Variants in ECRG4 observed in about 807,000 individuals in gnomAD.
The protein encoded by ECRG4 is ECRG4 augurin precursor.
Under a neutral mutation model 15.8 loss-of-function variants are expected in ECRG4, and 18 were observed. The observed-to-expected ratio is 1.14, with a 90% CI of 0.79 to 1.69. The LOEUF (loss-of-function observed/expected upper bound fraction) is 1.69. Among genes scored for constraint, ECRG4 ranks in the 40% most tolerant of loss-of-function variants. The probability of loss-of-function intolerance (pLI) is 0.00; values close to 1 mark genes in which losing one functional copy is unlikely to be tolerated. For missense variants in ECRG4, 200 were observed against 190.9 expected, an observed-to-expected ratio of 1.05 and a Z score of -0.28; for synonymous variants, 82 against 73.9, an observed-to-expected ratio of 1.11 and a Z score of -0.56.
rs571627781 is a variant in ECRG4, at chr2:106,074,185, A to G, written c.285+142A>G. On this transcript the variant is annotated intron_variant, in intron 3 of 3. Coordinates refer to ENST00000238044, the MANE Select transcript of ECRG4 (RefSeq NM_032411.3). ...AGAGCCCCATCATATGCCAAGTGCT[A>G]TCAGGCACTGGATCATGTTACCTAT... The G allele has an allele frequency of 1.1e-4, 100 of 906,066 alleles. No homozygotes were observed. The African/African-American group carries it at 1.4e-3, about 13-fold the overall frequency. 56.1% of individuals were successfully genotyped at this position (906,066 alleles called of 1,614,324 possible). A position where few individuals can be genotyped will look rare whatever the true frequency, so the allele number is the denominator to read the frequency against.
intron 2 of ECRG4, 60 bp from the exon 3 acceptor site, chr2:106,073,826 C>T: frequency 6.3e-7 from 1 of 1,594,394 alleles, no homozygotes; most frequent in Non-Finnish European, 8.6e-7. Context: ...CAGGGATTCA[C>T]CGCAAGTGAG....
chr2:106,069,178 T>C (rs1206807766), intron 1 of ECRG4, among the ~76,000 whole-genome samples: 1 of 150,708 alleles, frequency 6.6e-6, no homozygotes, highest in African/African-American at 2.4e-5. Flanking sequence ...CTTTTTTCTT[T>C]CTTTCTTTCT....
intron 3 of ECRG4, 77 bp from the exon 4 acceptor site, chr2:106,077,688 G>A: frequency 7.6e-7 from 1 of 1,318,930 alleles, no homozygotes; most frequent in East Asian, 2.3e-5. Context: ...ATGAAGAAAA[G>A]CCATAGGTAA....
Position 106,071,791 on chromosome 2 carries a change from A to G in ECRG4, c.80-53A>G. 3 of 1,500,838 alleles carry G rather than the reference A, an allele frequency of 2.0e-6. No homozygotes were observed. The South Asian group carries it at 3.6e-5, about 18-fold the overall frequency. The allele number at this position is 1,500,838 out of a possible 1,614,324, so 93.0% of individuals were successfully genotyped here. A position where few individuals can be genotyped will look rare whatever the true frequency, so the allele number is the denominator to read the frequency against. On this transcript the variant is annotated intron_variant, in intron 1 of 3. Coordinates refer to ENST00000238044, the MANE Select transcript of ECRG4 (RefSeq NM_032411.3). ...CCCACTCTGATTTTTGCCTTTGATA[A>G]ATTGAAGGGAGCAGTATAACTCTGA...
upstream of ECRG4, chr2:106,064,279 A>G (rs1176882561): frequency 6.6e-6 from 1 of 152,232 alleles, no homozygotes; most frequent in African/African-American, 2.4e-5. Flanking sequence ...TGTCTTTACT[A>G]GCTCAATGTT....
chr2:106,075,762 C>T (rs1676475637), intron 3 of ECRG4, among the ~76,000 whole-genome samples: 1 of 151,934 alleles, frequency 6.6e-6, no homozygotes, highest in Admixed American at 6.6e-5. Flanking sequence ...GCAGAAACTA[C>T]TCAAATAATG....
chr2:106,069,974 T>G (rs1676327069), intron 1 of ECRG4, among the ~76,000 whole-genome samples: 1 of 152,234 alleles, frequency 6.6e-6, no homozygotes. Flanking sequence ...CAGGCTGCTA[T>G]GCACTACGCC....
chr2:106,063,829 T>C (rs1007126670), upstream of ECRG4, among the ~76,000 whole-genome samples: 1 of 152,108 alleles, frequency 6.6e-6, no homozygotes, highest in Non-Finnish European at 1.5e-5. Flanking sequence ...TGATCTGCCC[T>C]CCTCAGCCTC....
intron 1 of ECRG4, among the ~76,000 whole-genome samples, chr2:106,067,637 G>GGTTTTTGTTTTTGTTTTT (rs149423508): frequency 6.7e-6 from 1 of 149,824 alleles, no homozygotes; most frequent in Admixed American, 6.6e-5. Context: ...GCCCAGCTAA[G>GGTTTTTGTTTTTGTTTTT]GTTTTTGTTT....
chr2:106,077,834 T>TACCAC lies in ECRG4; in HGVS notation c.359_360insCACCA (p.Gln120HisfsTer88). 6.2e-7 allele frequency: 1 copy of TACCAC among 1,614,136 alleles called. No individual in the cohort carries two copies. Among genetic ancestry groups the TACCAC allele is most frequent in the Non-Finnish European group, 8.5e-7 (1 of 1,180,016 alleles). On this transcript the variant is annotated frameshift_variant, in exon 4 of 4. Coordinates refer to ENST00000238044, the MANE Select transcript of ECRG4 (RefSeq NM_032411.3). LOFTEE classifies it high-confidence loss of function. ...TGGACATGAATACTATGGCGATTAC[T>TACCAC]ACCAACGTCACTATGATGAAGACTC...
intron 3 of ECRG4, among the ~76,000 whole-genome samples, chr2:106,075,501 C>T (rs1676466398): frequency 6.6e-6 from 1 of 152,184 alleles, no homozygotes; most frequent in Non-Finnish European, 1.5e-5. Flanking sequence ...GCAGGTGGAT[C>T]ACCTGAGGTC....
At chr2:106,074,087 G>A in intron 3 of ECRG4, 44 bp downstream of exon 3, 1 of 1,601,482 alleles carries the variant, frequency 6.2e-7, no homozygotes, top group East Asian at 2.2e-5. Context: ...CACAGGGAAG[G>A]GTGGCAGGGA....
chr2:106,071,322 T>TAAAAAAAAGAAAAA (rs1676362731), intron 1 of ECRG4, among the ~76,000 whole-genome samples: 1 of 78,332 alleles, frequency 1.3e-5, no homozygotes, highest in Non-Finnish European at 2.3e-5. Flanking sequence ...GGTAAGGCTG[T>TAAAAAAAAGAAAAA]AAAAAAAAAA....
At chr2:106,068,352 G>GA (rs897814847) in intron 1 of ECRG4, among the ~76,000 whole-genome samples, 11 of 152,064 alleles carry the variant, frequency 7.2e-5, no homozygotes, top group African/African-American at 2.7e-4. Flanking sequence ...CCTTAATACA[G>GA]AAAAAAATCA....
intron 1 of ECRG4, among the ~76,000 whole-genome samples, chr2:106,069,745 C>T (rs375901976): frequency 2.0e-5 from 3 of 152,172 alleles, no homozygotes; most frequent in South Asian, 2.1e-4. Flanking sequence ...ACCACAACTC[C>T]GGTTTTTCTA....
At chr2:106,076,517 T>C (rs974347313) in intron 3 of ECRG4, among the ~76,000 whole-genome samples, 12 of 152,000 alleles carry the variant, frequency 7.9e-5, no homozygotes, top group Non-Finnish European at 1.2e-4. Flanking sequence ...CAGTGAGAAA[T>C]TGGAATCATG....
At chr2:106,073,774 C>A in intron 2 of ECRG4, 112 bp from the exon 3 acceptor site, 1 of 1,319,248 alleles carries the variant, frequency 7.6e-7, no homozygotes, top group Non-Finnish European at 1.1e-6. Flanking sequence ...AGTTGAGAGT[C>A]AAAACCCTCC....
Position 106,071,890 on chromosome 2 carries a change from A to C in ECRG4, c.126A>C (p.Glu42Asp). 5 of 1,612,490 alleles carry C rather than the reference A, an allele frequency of 3.1e-6. No individual in the cohort carries two copies. Among genetic ancestry groups the C allele is most frequent in the Non-Finnish European group, 3.4e-6 (4 of 1,178,536 alleles). The change falls in exon 2 of 4, where the codon GAA becomes GAC. Residue 42 changes from glutamate to aspartate, a missense_variant and splice_region_variant. By Grantham distance (45) the Glu-to-Asp change is conservative. Transcript: ENST00000238044. The stretch of plus-strand genomic sequence containing the variant: ...TCAAGCTGATGCTTCAAAAACGAGA[A>C]GGTAAATATACCCCAAATGGATAAG... ...NKLKLMLQKR[E>D]APVPTKTKVA...
At position 106,070,045 on chromosome 2, in the gene ECRG4, C is replaced by A. The variant is rs188175554; in HGVS notation, c.80-1799C>A. 1.8e-4 allele frequency among the ~76,000 whole-genome samples: 28 copies of A among 152,274 alleles called. No homozygotes were observed. In the East Asian group the frequency reaches 5.4e-3, roughly 29 times the overall value. The stretch of plus-strand genomic sequence containing the variant: ...CTCATAGGGAAGGTGTGAGGGAAAC[C>A]ACCACCTCTCCTCCCTGGCCCTTCA... On this transcript the variant is annotated intron_variant, in intron 1 of 3. Coordinates refer to ENST00000238044, the MANE Select transcript of ECRG4 (RefSeq NM_032411.3).
Sources: gnomAD v4.1 joint callset for allele counts (sites outside exome capture counted in the v4.1 genomes callset) on GRCh38, gnomAD v4.1.1 for gene constraint, MANE v1.5 for transcripts, NCBI Gene and HGNC (gene_info 2026-07-23, HGNC 2026-07-21) for gene names.